The following GJB2 variants were observed in gnomAD, a reference collection of about 807,000 sequenced individuals.
GJB2 encodes the protein gap junction protein beta 2, also known as gap junction beta-2 protein.
In GJB2, 30 loss-of-function variants were observed where a neutral mutation model predicts 16.0. The ratio of observed to expected loss-of-function variants is 1.88; its 90% CI spans 1.41 to 2.55. GJB2 has a LOEUF of 2.55. Ranked by LOEUF, GJB2 falls within the 30% of genes most tolerant of loss-of-function variation. The pLI, the probability that GJB2 is intolerant of heterozygous loss-of-function variation, is 0.00. For synonymous variants in GJB2, 123 were observed against 119.1 expected (o/e 1.03, Z -0.21); for missense variants, 284 against 289.7 (o/e 0.98, Z 0.14).
At chr13:20,189,772 G>T in intron 1 of GJB2, 169 bp from the exon 2 acceptor site, 1 of 660,966 alleles carries the variant, frequency 1.5e-6, no homozygotes, top group Non-Finnish European at 2.8e-6. Flanking sequence ...GTTTGTCATA[G>T]GATTAAATGT....
At chr13:20,190,807 CTT>C (rs1959072232) in intron 1 of GJB2, among the ~76,000 whole-genome samples, 4 of 152,262 alleles carry the variant, frequency 2.6e-5, no homozygotes, top group South Asian at 4.1e-4. Context: ...AATCCTCCTT[CTT>C]CTTTTTCTTA....
Position 20,192,776 on chromosome 13 carries a change from G to C in GJB2, c.-23+7C>G, listed in dbSNP as rs934815114. The C allele has an allele frequency of 6.5e-6, 1 of 153,104 alleles. No homozygotes were observed. Among genetic ancestry groups the C allele is most frequent in the African/African-American group, 2.4e-5 (1 of 41,452 alleles). 9.5% of individuals were successfully genotyped at this position (153,104 alleles called of 1,614,324 possible). A position where few individuals can be genotyped will look rare whatever the true frequency, so the allele number is the denominator to read the frequency against. On this transcript the variant is annotated splice_region_variant and intron_variant, in intron 1 of 1. Coordinates refer to ENST00000382848, the MANE Select transcript of GJB2 (RefSeq NM_004004.6). ...CTGGCCGGGCAGTCCGGGGCCGGCG[G>C]GCTCACCTGCGTCGGGAGGAAGCGC...
chr13:20,189,796 C>T (rs1277975663), intron 1 of GJB2, 193 bp from the exon 2 acceptor site: 4 of 619,314 alleles, frequency 6.5e-6, no homozygotes, highest in Admixed American at 5.4e-5. Flanking sequence ...GTTCCCAAAC[C>T]CTCTTGAACG....
At position 20,189,382 on chromosome 13, in the gene GJB2, T is replaced by C. The variant is rs527914983; in HGVS notation, c.200A>G (p.His67Arg). 48 of 1,613,992 alleles carry C rather than the reference T, an allele frequency of 3.0e-5. No individual in the cohort carries two copies. The highest frequency in any genetic ancestry group is 3.9e-5 in the Non-Finnish European group (46 of 1,179,946). ...QPGCKNVCYD[H>R]YFPISHIRLW... ...CCGGATGTGGGAGATGGGGAAGTAG[T>C]GATCGTAGCACACGTTCTTGCAGCC... Residue 67 changes from histidine to arginine, a missense_variant, in exon 2 of 2, where the codon CAC becomes CGC. His to Arg is a conservative substitution (Grantham distance 29). Transcript: ENST00000382848.
In GJB2 at chr13:20,189,108, G is replaced by A. The variant is rs375759781; in HGVS notation, c.474C>T (p.Tyr158=). Residue 158 remains tyrosine, a synonymous_variant, in exon 2 of 2, where the codon TAC becomes TAT. Coordinates refer to ENST00000382848, the MANE Select transcript of GJB2 (RefSeq NM_004004.6). ...AAFMYVFYVM[Y]DGFSMQRLVK... ...CCAGCCGCTGCATGGAGAAGCCGTC[G>A]TACATGACATAGAAGACGTACATGA... 9.9e-6 allele frequency: 16 copies of A among 1,614,066 alleles called. No homozygotes were observed. The highest frequency in any genetic ancestry group is 5.5e-5 in the South Asian group (5 of 91,080).
chr13:20,190,023 T>G (rs1959067599), intron 1 of GJB2, among the ~76,000 whole-genome samples: 1 of 152,226 alleles, frequency 6.6e-6, no homozygotes, highest in Non-Finnish European at 1.5e-5. Context: ...AACAGCTGCA[T>G]CCATTTGCAG....
chr13:20,191,084 T>G (rs1959073855), intron 1 of GJB2, among the ~76,000 whole-genome samples: 1 of 152,102 alleles, frequency 6.6e-6, no homozygotes, highest in Non-Finnish European at 1.5e-5. Flanking sequence ...AAACAATATT[T>G]TAGCCCAGGT....
chr13:20,192,615 G>A (rs1245498179), intron 1 of GJB2, among the ~76,000 whole-genome samples, 168 bp downstream of exon 1: 3 of 151,990 alleles, frequency 2.0e-5, no homozygotes, highest in Non-Finnish European at 4.4e-5. Context: ...GAGCTCGGCC[G>A]CAGAAACGCC....
In GJB2 at chr13:20,189,775, T is replaced by C. The variant is rs575475719; in HGVS notation, c.-22-172A>G. The C allele has an allele frequency of 5.3e-5, 35 of 658,852 alleles. No homozygotes were observed. In the African/African-American group the frequency reaches 5.6e-4, roughly 11 times the overall value. 40.8% of individuals were successfully genotyped at this position (658,852 alleles called of 1,614,324 possible). ...AGAACCAACTTAGTTTGTCATAGGA[T>C]TAAATGTATAGTTCCCAAACCCTCT... On this transcript the variant is annotated intron_variant, in intron 1 of 1. Transcript: ENST00000382848.
Position 20,188,722 on chromosome 13 carries a change from C to T in GJB2, c.*179G>A. On this transcript the variant is annotated 3_prime_UTR_variant, in exon 2 of 2. Coordinates refer to ENST00000382848, the MANE Select transcript of GJB2 (RefSeq NM_004004.6). The stretch of plus-strand genomic sequence containing the variant: ...CCTTTGTTTTGAGGCTTTAGGGGAG[C>T]AGAGCTCCATTGTGGCATCTGGAGT... 1 of 621,254 alleles carries T rather than the reference C, an allele frequency of 1.6e-6. No individual in the cohort carries two copies. 38.5% of individuals were successfully genotyped at this position (621,254 alleles called of 1,614,324 possible). A position where few individuals can be genotyped will look rare whatever the true frequency, so the allele number is the denominator to read the frequency against.
chr13:20,188,776 T>A lies in GJB2; in HGVS notation c.*125A>T, dbSNP rs1354295838. The A allele has an allele frequency of 1.3e-6, 1 of 774,756 alleles. No individual in the cohort carries two copies. Among genetic ancestry groups the A allele is most frequent in the African/African-American group, 1.7e-5 (1 of 58,354 alleles). The allele number at this position is 774,756 out of a possible 1,614,324, so 48.0% of individuals were successfully genotyped here. ...ACCTGAGGCCTACAGGGGTTTCAAATGGTTGCATTTAAGGTCAGAATCTTT... is the reference window on the plus strand; with the variant it reads ...ACCTGAGGCCTACAGGGGTTTCAAAAGGTTGCATTTAAGGTCAGAATCTTT... On this transcript the variant is annotated 3_prime_UTR_variant, in exon 2 of 2. Coordinates refer to ENST00000382848, the MANE Select transcript of GJB2 (RefSeq NM_004004.6).
In GJB2 at chr13:20,189,470, C is replaced by G; in HGVS notation, c.112G>C (p.Val38Leu). The G allele has an allele frequency of 1.2e-6, 2 of 1,613,694 alleles. No homozygotes were observed. The highest frequency in any genetic ancestry group is 1.3e-5 in the African/African-American group (1 of 75,030). ...LFIFRIMILV[V>L]AAKEVWGDEQ... ...TCTCCCCACACCTCCTTTGCAGCCA[C>G]AACGAGGATCATAATGCGAAAAATG... The change falls in exon 2 of 2, where the codon GTG (valine) becomes CTG (leucine). Residue 38 changes from valine (V) to leucine (L), a missense_variant. Coordinates refer to ENST00000382848, the MANE Select transcript of GJB2 (RefSeq NM_004004.6).
At position 20,188,805 on chromosome 13, in the gene GJB2, T is replaced by C. The variant is rs188027627; in HGVS notation, c.*96A>G. 260 of 976,550 alleles carry C rather than the reference T, an allele frequency of 2.7e-4. 2 individuals carry two copies. The African/African-American group carries it at 3.6e-3, about 13-fold the overall frequency. The allele number at this position is 976,550 out of a possible 1,614,324, so 60.5% of individuals were successfully genotyped here. A position where few individuals can be genotyped will look rare whatever the true frequency, so the allele number is the denominator to read the frequency against. On this transcript the variant is annotated 3_prime_UTR_variant, in exon 2 of 2. Transcript: ENST00000382848. The stretch of plus-strand genomic sequence containing the variant: ...TGCATTTAAGGTCAGAATCTTTGTG[T>C]TGGGAAATGCTAGCGACTGAGCCTT...
rs963997727 is a variant in GJB2 at position 20,188,611 on chromosome 13, T to A, written c.*290A>T. 1 of 414,302 alleles carries A rather than the reference T, an allele frequency of 2.4e-6. No individual in the cohort carries two copies. Among genetic ancestry groups the A allele is most frequent in the Non-Finnish European group, 4.3e-6 (1 of 230,584 alleles). The allele number at this position is 414,302 out of a possible 1,614,324, so 25.7% of individuals were successfully genotyped here. A position where few individuals can be genotyped will look rare whatever the true frequency, so the allele number is the denominator to read the frequency against. On this transcript the variant is annotated 3_prime_UTR_variant, in exon 2 of 2. Coordinates refer to ENST00000382848, the MANE Select transcript of GJB2 (RefSeq NM_004004.6). ...ATATCCTCTGTTTAAAATATGAAAG[T>A]ACCTTACACCAATAACCCCTAACAG...
At position 20,188,810 on chromosome 13, in the gene GJB2, A is replaced by T; in HGVS notation, c.*91T>A. 1 of 1,014,986 alleles carries T rather than the reference A, an allele frequency of 9.9e-7. No homozygotes were observed. The highest frequency in any genetic ancestry group is 2.4e-5 in the East Asian group (1 of 41,612). 62.9% of individuals were successfully genotyped at this position (1,014,986 alleles called of 1,614,324 possible). On this transcript the variant is annotated 3_prime_UTR_variant, in exon 2 of 2. Transcript: ENST00000382848. ...TTAAGGTCAGAATCTTTGTGTTGGG[A>T]AATGCTAGCGACTGAGCCTTGACAG...
Position 20,189,304 on chromosome 13 carries a change from A to G in GJB2, c.278T>C (p.Met93Thr), listed in dbSNP as rs1461894310. 4 of 1,614,014 alleles carry G rather than the reference A, an allele frequency of 2.5e-6. No homozygotes were observed. The highest frequency in any genetic ancestry group is 3.4e-6 in the Non-Finnish European group (4 of 1,180,024). The change falls in exon 2 of 2, where the codon ATG becomes ACG. Residue 93 changes from methionine (M) to threonine (T), a missense_variant. Coordinates refer to ENST00000382848, the MANE Select transcript of GJB2 (RefSeq NM_004004.6). ...CTCATGTCTCCGGTAGGCCACGTGC[A>G]TGGCCACTAGGAGCGCTGGCGTGGA... Reference protein sequence around the residue: ...FVSTPALLVAMHVAYRRHEKK... With the variant: ...FVSTPALLVATHVAYRRHEKK...
chr13:20,188,865 G>T lies in GJB2; in HGVS notation c.*36C>A. The T allele has an allele frequency of 6.5e-7, 1 of 1,535,248 alleles. No individual in the cohort carries two copies. Among genetic ancestry groups the T allele is most frequent in the Non-Finnish European group, 9.0e-7 (1 of 1,109,194 alleles). ...GCACGGGTTGCCTCATCCCTCTCATGCTGTCTATTTCTTAATCTAACAACT... is the reference window on the plus strand; with the variant it reads ...GCACGGGTTGCCTCATCCCTCTCATTCTGTCTATTTCTTAATCTAACAACT... On this transcript the variant is annotated 3_prime_UTR_variant, in exon 2 of 2. Coordinates refer to ENST00000382848, the MANE Select transcript of GJB2 (RefSeq NM_004004.6).
chr13:20,189,363 G>A lies in GJB2; in HGVS notation c.219C>T (p.His73=), dbSNP rs727504755. The change falls in exon 2 of 2, where the codon CAC becomes CAT. Residue 73 remains histidine, a synonymous_variant. Transcript: ENST00000382848. Reference sequence around the variant, plus strand: ...TCAGCTGCAGGGCCCATAGCCGGATGTGGGAGATGGGGAAGTAGTGATCGT... The same window carrying A: ...TCAGCTGCAGGGCCCATAGCCGGATATGGGAGATGGGGAAGTAGTGATCGT... The part of the protein sequence containing the change: ...VCYDHYFPIS[H]IRLWALQLIF... The A allele has an allele frequency of 3.3e-5, 54 of 1,614,208 alleles. No individual in the cohort carries two copies. The highest frequency in any genetic ancestry group is 4.3e-5 in the Non-Finnish European group (51 of 1,180,010).
chr13:20,189,399 C>T lies in GJB2; in HGVS notation c.183G>A (p.Lys61=), dbSNP rs750618125. Residue 61 remains lysine, a synonymous_variant, in exon 2 of 2, where the codon AAG becomes AAA. Transcript: ENST00000382848. ...GGAAGTAGTGATCGTAGCACACGTTCTTGCAGCCTGGCTGCAGGGTGTTGC... is the reference window on the plus strand; with the variant it reads ...GGAAGTAGTGATCGTAGCACACGTTTTTGCAGCCTGGCTGCAGGGTGTTGC... ...FVCNTLQPGC[K]NVCYDHYFPI... 6.2e-7 allele frequency: 1 copy of T among 1,613,154 alleles called. No homozygotes were observed. The highest frequency in any genetic ancestry group is 1.7e-5 in the Admixed American group (1 of 60,004).
Sources: allele counts gnomAD v4.1 joint callset (sites outside exome capture counted in the v4.1 genomes callset), GRCh38; gene constraint gnomAD v4.1.1; transcripts MANE v1.5; gene names NCBI Gene and HGNC (gene_info 2026-07-23, HGNC 2026-07-21).